Variants in NEMF observed in about 807,000 individuals in gnomAD.
The protein encoded by NEMF is ribosome quality control complex subunit NEMF.
In NEMF, 89 loss-of-function variants were observed where a neutral mutation model predicts 162.2. The ratio of observed to expected loss-of-function variants is 0.55; its 90% CI spans 0.46 to 0.65. The LOEUF is 0.65. NEMF is among the 30% of genes least tolerant of loss of function. NEMF has a pLI of 0.00. For synonymous variants in NEMF, 421 were observed against 404.5 expected (o/e 1.04, Z -0.49); for missense variants, 1,133 against 1,261.9 (o/e 0.90, Z 1.55).
At chr14:49,830,909 G>C (rs1332395863) in intron 11 of NEMF, among the ~76,000 whole-genome samples, 2 of 152,130 alleles carry the variant, frequency 1.3e-5, no homozygotes, top group African/African-American at 4.8e-5. Context: ...ATTTAAAAAA[G>C]AAACAGTTTA....
chr14:49,825,218 C>G (rs1400191127), intron 16 of NEMF, among the ~76,000 whole-genome samples: 1 of 152,104 alleles, frequency 6.6e-6, no homozygotes, highest in East Asian at 1.9e-4. Context: ...TGCTATTAAT[C>G]TTGACAAAAT....
Position 49,786,711 on chromosome 14 carries a change from A to C in NEMF, c.2928+7T>G, listed in dbSNP as rs1171096068. The C allele has an allele frequency of 6.2e-7, 1 of 1,612,112 alleles. No individual in the cohort carries two copies. The highest frequency in any genetic ancestry group is 8.5e-7 in the Non-Finnish European group (1 of 1,178,318). ...GTTGTAGTAGGAACCCCAACATAAA[A>C]TCATACCTCATTTCCCTGTTGATCC... On this transcript the variant is annotated splice_region_variant and intron_variant, in intron 29 of 32. Coordinates refer to ENST00000298310, the MANE Select transcript of NEMF (RefSeq NM_004713.6).
At chr14:49,830,712 A>G (rs982717027) in intron 11 of NEMF, among the ~76,000 whole-genome samples, 4 of 152,266 alleles carry the variant, frequency 2.6e-5, no homozygotes, top group Admixed American at 2.0e-4. Context: ...TTTTGCACAC[A>G]TATTTTAAGA....
intron 23 of NEMF, 44 bp downstream of exon 23, chr14:49,800,376 T>C (rs977388279): frequency 7.2e-7 from 1 of 1,395,052 alleles, no homozygotes; most frequent in African/African-American, 1.4e-5. Flanking sequence ...TCATCATCAT[T>C]CTCAGCTTAC....
intron 29 of NEMF, 111 bp downstream of exon 29, chr14:49,786,607 G>T: frequency 9.9e-7 from 1 of 1,011,424 alleles, no homozygotes; most frequent in Non-Finnish European, 1.5e-6. Context: ...TGACTTCGTA[G>T]CCTGCAGTCT....
rs1418985600 is a variant in NEMF, at chr14:49,846,131, T to C, written c.357+9A>G. On this transcript the variant is annotated intron_variant, in intron 4 of 32. Transcript: ENST00000298310. ...TTTTCCTTCACCATATCCCACAAATTTAACTTACCCTATCATAGAGCTCAA... is the reference window on the plus strand; with the variant it reads ...TTTTCCTTCACCATATCCCACAAATCTAACTTACCCTATCATAGAGCTCAA... 6.2e-7 allele frequency: 1 copy of C among 1,609,538 alleles called. No individual in the cohort carries two copies. Among genetic ancestry groups the C allele is most frequent in the East Asian group, 2.2e-5 (1 of 44,832 alleles).
rs1594755304 is a variant in NEMF, at chr14:49,810,162, A to G, written c.1744+3826T>C. On this transcript the variant is annotated intron_variant, in intron 18 of 32. Coordinates refer to ENST00000298310, the MANE Select transcript of NEMF (RefSeq NM_004713.6). Reference sequence around the variant, plus strand: ...GGCGGGCGGATCACAAGGTCAAGAGATCAAGACCATCCTGGCTAACACGGT... The same window carrying G: ...GGCGGGCGGATCACAAGGTCAAGAGGTCAAGACCATCCTGGCTAACACGGT... Among the ~76,000 whole-genome samples, 3 of 152,096 alleles carry G rather than the reference A, an allele frequency of 2.0e-5. No individual in the cohort carries two copies. The South Asian group carries it at 6.2e-4, about 32-fold the overall frequency.
intron 18 of NEMF, among the ~76,000 whole-genome samples, chr14:49,810,712 CA>C (rs1382590746): frequency 1.1e-4 from 16 of 152,084 alleles, no homozygotes; most frequent in African/African-American, 3.9e-4. Flanking sequence ...AATGCAGGGC[CA>C]GGGGCAGTGG....
At chr14:49,803,631 T>C (rs1037846897) in intron 19 of NEMF, among the ~76,000 whole-genome samples, 2 of 152,014 alleles carry the variant, frequency 1.3e-5, no homozygotes, top group African/African-American at 4.8e-5. Context: ...GTTGAAGTGA[T>C]TCTCCTGCCT....
chr14:49,846,074 T>C, intron 4 of NEMF, 66 bp downstream of exon 4: 6 of 1,417,648 alleles, frequency 4.2e-6, no homozygotes, highest in East Asian at 2.3e-5. Context: ...ACTCATGTTA[T>C]ATAGCACTAT....
chr14:49,850,106 CCTTT>C (rs991715102), intron 3 of NEMF, among the ~76,000 whole-genome samples: 2 of 151,932 alleles, frequency 1.3e-5, no homozygotes, highest in African/African-American at 2.4e-5. Flanking sequence ...GTTTCAGGTG[CCTTT>C]CTTTTTTTTT....
intron 28 of NEMF, among the ~76,000 whole-genome samples, chr14:49,787,946 G>T (rs1023964925): frequency 2.6e-5 from 4 of 152,074 alleles, no homozygotes; most frequent in African/African-American, 7.2e-5. Flanking sequence ...GGTGACAAAG[G>T]TAAAAATTTT....
intron 16 of NEMF, among the ~76,000 whole-genome samples, chr14:49,825,595 G>C (rs1892296624): frequency 1.3e-5 from 2 of 152,126 alleles, no homozygotes; most frequent in African/African-American, 4.8e-5. Flanking sequence ...AATTAGCTGG[G>C]CACAGTGGCA....
Position 49,785,312 on chromosome 14 carries a change from T to C in NEMF, c.2937A>G (p.Leu979=), listed in dbSNP as rs147195516. ...GTGGCTGGCCTGTCAAAGAATCAAATAGGTTTTCCTAAAAAGGGAAAATAA... is the reference window on the plus strand; with the variant it reads ...GTGGCTGGCCTGTCAAAGAATCAAACAGGTTTTCCTAAAAAGGGAAAATAA... ...DLDQQGNEEN[L]FDSLTGQPHP... is the part of the protein sequence containing the mutation. Residue 979 remains leucine, a synonymous_variant, in exon 30 of 33, where the codon CTA becomes CTG. Transcript: ENST00000298310. The C allele has an allele frequency of 5.4e-5, 87 of 1,613,052 alleles. No homozygotes were observed. The African/African-American group carries it at 7.3e-4, about 14-fold the overall frequency.
chr14:49,833,150 C>T (rs922946557), intron 8 of NEMF, among the ~76,000 whole-genome samples: 6 of 152,056 alleles, frequency 3.9e-5, no homozygotes, highest in Middle Eastern at 3.2e-3. Context: ...CCTGTAGTCC[C>T]AGCTACTCGG....
chr14:49,841,650 T>A (rs917700971), intron 4 of NEMF, among the ~76,000 whole-genome samples: 1 of 150,424 alleles, frequency 6.6e-6, no homozygotes, highest in Non-Finnish European at 1.5e-5. Flanking sequence ...GCAAGGAACA[T>A]ATTACACTTC....
chr14:49,788,921 C>G (rs181732129), intron 28 of NEMF, among the ~76,000 whole-genome samples: 1 of 152,252 alleles, frequency 6.6e-6, no homozygotes, highest in African/African-American at 2.4e-5. Context: ...TGATTACTTC[C>G]TAAAGGCTTG....
chr14:49,826,540 C>A (rs1318835929), intron 15 of NEMF, among the ~76,000 whole-genome samples: 31 of 73,542 alleles, frequency 4.2e-4, no homozygotes, highest in South Asian at 1.8e-3. Context: ...GCATTACAAG[C>A]AAAAAAAAAA....
chr14:49,816,584 CCT>C (rs1891728346), intron 16 of NEMF, among the ~76,000 whole-genome samples: 1 of 152,212 alleles, frequency 6.6e-6, no homozygotes, highest in African/African-American at 2.4e-5. Flanking sequence ...CTGTAAAATT[CCT>C]CTTTGTACTC....
Sources: allele counts gnomAD v4.1 joint callset (sites outside exome capture counted in the v4.1 genomes callset), GRCh38; gene constraint gnomAD v4.1.1; transcripts MANE v1.5; gene names NCBI Gene and HGNC (gene_info 2026-07-23, HGNC 2026-07-21).